The following SLC4A4 variants were observed in gnomAD, a reference collection of about 807,000 sequenced individuals.
The protein encoded by SLC4A4 is electrogenic sodium bicarbonate cotransporter 1.
SLC4A4 carries 27 observed loss-of-function variants against 111.5 expected under a neutral mutation model. The observed-to-expected ratio is 0.24, with a 90% confidence interval of 0.18 to 0.33. SLC4A4 has a LOEUF of 0.33. Among genes scored for constraint, SLC4A4 ranks in the 10% least tolerant of loss-of-function variants. The pLI is 1.00. For missense variants in SLC4A4, 909 were observed against 1,315.5 expected, an observed-to-expected ratio of 0.69 and a Z score of 4.78; for synonymous variants, 443 against 463.4, an observed-to-expected ratio of 0.96 and a Z score of 0.57.
chr4:71,139,086 T>C (rs1223000888), intron 2 of SLC4A4, among the ~76,000 whole-genome samples: 1 of 143,784 alleles, frequency 7.0e-6, no homozygotes, highest in Non-Finnish European at 1.5e-5. Context: ...AATGCAATAA[T>C]GGATCCTTCT....
At chr4:71,389,788 A>G (rs1191060369) in intron 6 of SLC4A4, among the ~76,000 whole-genome samples, 2 of 152,202 alleles carry the variant, frequency 1.3e-5, no homozygotes, top group Non-Finnish European at 2.9e-5. Context: ...ATTAAGTGCC[A>G]CTAATGCCAA....
At chr4:71,427,232 A>T (rs573105684) in intron 7 of SLC4A4, among the ~76,000 whole-genome samples, 4 of 152,120 alleles carry the variant, frequency 2.6e-5, no homozygotes, top group Admixed American at 1.3e-4. Context: ...ATTTGTTAAG[A>T]TAATATATTT....
intron 16 of SLC4A4, among the ~76,000 whole-genome samples, chr4:71,514,342 G>C (rs1255809353): frequency 1.3e-5 from 2 of 152,030 alleles, no homozygotes; most frequent in Non-Finnish European, 2.9e-5. Flanking sequence ...TCTTCCTCCT[G>C]CTGCAGCCAT....
At chr4:71,209,917 G>A (rs1046486964) in intron 1 of SLC4A4, among the ~76,000 whole-genome samples, 1 of 151,982 alleles carries the variant, frequency 6.6e-6, no homozygotes, top group Non-Finnish European at 1.5e-5. Flanking sequence ...TTATTTGGAG[G>A]GACTGTTCCA....
intron 13 of SLC4A4, among the ~76,000 whole-genome samples, chr4:71,468,661 A>T (rs1361126833): frequency 6.6e-6 from 1 of 151,862 alleles, no homozygotes; most frequent in Non-Finnish European, 1.5e-5. Context: ...TTCTGTCTAG[A>T]TACAAAATAT....
intron 14 of SLC4A4, among the ~76,000 whole-genome samples, chr4:71,478,997 G>T (rs879016997): frequency 3.3e-5 from 5 of 151,586 alleles, no homozygotes; most frequent in African/African-American, 9.7e-5. Flanking sequence ...AAGGGTCAAA[G>T]AAAATTTTCT....
chr4:71,505,782 C>G (rs112591120), intron 16 of SLC4A4, among the ~76,000 whole-genome samples: 1 of 151,880 alleles, frequency 6.6e-6, no homozygotes, highest in African/African-American at 2.4e-5. Flanking sequence ...GTGTCCTGAA[C>G]GGTATTGCCT....
intron 14 of SLC4A4, chr4:71,473,406 G>C (rs1728068280): frequency 3.1e-6 from 1 of 325,236 alleles, no homozygotes; most frequent in Non-Finnish European, 5.6e-6. Flanking sequence ...AGAAGAAAAA[G>C]ATACTAATCC....
At chr4:71,102,123 T>C (rs973111937) in intron 2 of SLC4A4, among the ~76,000 whole-genome samples, 9 of 152,086 alleles carry the variant, frequency 5.9e-5, no homozygotes, top group African/African-American at 2.2e-4. Context: ...ATGTGAAGAA[T>C]GCAGAAGCCT....
intron 1 of SLC4A4, among the ~76,000 whole-genome samples, chr4:71,211,161 C>T (rs1718109319): frequency 6.6e-6 from 1 of 152,172 alleles, no homozygotes; most frequent in South Asian, 2.1e-4. Context: ...AAAATACCTT[C>T]ACAAAACAGT....
chr4:71,405,255 A>G (rs1045378131), intron 7 of SLC4A4, among the ~76,000 whole-genome samples: 1 of 152,162 alleles, frequency 6.6e-6, no homozygotes, highest in Admixed American at 6.5e-5. Flanking sequence ...AAAAAGTGAA[A>G]ATTCTTAAAT....
chr4:71,408,719 G>A (rs962470190), intron 7 of SLC4A4, among the ~76,000 whole-genome samples: 1 of 152,104 alleles, frequency 6.6e-6, no homozygotes, highest in African/African-American at 2.4e-5. Flanking sequence ...CTTGTCAAGT[G>A]TTACTTTTTC....
intron 7 of SLC4A4, among the ~76,000 whole-genome samples, chr4:71,402,930 C>T (rs1579019017): frequency 6.6e-6 from 1 of 152,284 alleles, no homozygotes; most frequent in East Asian, 1.9e-4. Context: ...CTATGCTTCT[C>T]CCATATTCTT....
chr4:71,162,537 A>G (rs1744641007), intron 2 of SLC4A4, among the ~76,000 whole-genome samples: 2 of 152,140 alleles, frequency 1.3e-5, no homozygotes, highest in South Asian at 2.1e-4. Context: ...CCTTTAACTA[A>G]TCTCTTATTG....
intron 2 of SLC4A4, among the ~76,000 whole-genome samples, chr4:71,124,352 A>G (rs2148958319): frequency 6.6e-6 from 1 of 152,094 alleles, no homozygotes; most frequent in Non-Finnish European, 1.5e-5. Context: ...TTGTATTTTT[A>G]GTAGAGACGG....
chr4:71,548,024 T>C (rs1442616090), intron 20 of SLC4A4, among the ~76,000 whole-genome samples: 1 of 151,888 alleles, frequency 6.6e-6, no homozygotes, highest in African/African-American at 2.4e-5. Context: ...ACTGATCTTC[T>C]CCCCCTCCTC....
In SLC4A4 at chr4:71,433,250, C is replaced by T. The variant is rs1014875170; in HGVS notation, c.808-7366C>T. Among the ~76,000 whole-genome samples the T allele has an allele frequency of 9.4e-4, 143 of 151,580 alleles. 1 individual carries two copies. The highest frequency in any genetic ancestry group is 3.1e-3 in the African/African-American group (128 of 41,340). ...CTGCATCATAATCCCGCCAAATCTC[C>T]CAATCACCCCCATTAGTCTCATCTA... On this transcript the variant is annotated intron_variant, in intron 7 of 25. Transcript: ENST00000264485.
At chr4:71,097,504 T>C (rs529869091) in intron 2 of SLC4A4, among the ~76,000 whole-genome samples, 1 of 152,238 alleles carries the variant, frequency 6.6e-6, no homozygotes, top group Non-Finnish European at 1.5e-5. Flanking sequence ...TGTGTCTTTA[T>C]GGTAGAATAA....
At chr4:71,221,235 T>C (rs1309904168) in intron 1 of SLC4A4, among the ~76,000 whole-genome samples, 1 of 152,154 alleles carries the variant, frequency 6.6e-6, no homozygotes, top group Non-Finnish European at 1.5e-5. Flanking sequence ...ATATACCGAG[T>C]AATGGAATTG....
Sources: gnomAD v4.1 joint callset for allele counts (sites outside exome capture counted in the v4.1 genomes callset) on GRCh38, gnomAD v4.1.1 for gene constraint, MANE v1.5 for transcripts, NCBI Gene and HGNC (gene_info 2026-07-23, HGNC 2026-07-21) for gene names.